The following MYO9A variants were observed in gnomAD, a reference collection of about 807,000 sequenced individuals.
The protein encoded by MYO9A is unconventional myosin-IXa.
Under a neutral mutation model 293.3 loss-of-function variants are expected in MYO9A, and 103 were observed. The ratio of observed to expected loss-of-function variants is 0.35; its 90% CI spans 0.30 to 0.41. MYO9A has a LOEUF of 0.41. MYO9A is among the 10% of genes least tolerant of loss of function. MYO9A has a pLI of 1.00. For synonymous variants in MYO9A, 1,001 were observed against 1,035.7 expected (o/e 0.97, Z 0.64); for missense variants, 2,685 against 3,033.0 (o/e 0.89, Z 2.69).
intron 32 of MYO9A, among the ~76,000 whole-genome samples, chr15:71,872,399 A>C (rs2056542592): frequency 6.6e-6 from 1 of 151,976 alleles, no homozygotes; most frequent in Non-Finnish European, 1.5e-5. Context: ...CCTCTACTAA[A>C]CTCTAATATT....
chr15:72,002,053 A>C (rs2076881333), intron 8 of MYO9A, among the ~76,000 whole-genome samples: 1 of 152,136 alleles, frequency 6.6e-6, no homozygotes, highest in African/African-American at 2.4e-5. Flanking sequence ...TCAGGAGTTA[A>C]AGACCAGGTT....
intron 27 of MYO9A, 41 bp from the exon 28 acceptor site, chr15:71,883,777 T>C (rs2056944191): frequency 1.2e-5 from 19 of 1,545,262 alleles, no homozygotes; most frequent in Admixed American, 1.9e-5. Context: ...ATTAAGAGTA[T>C]CTCAGTGATA....
chr15:71,971,085 C>T (rs1055098493), intron 12 of MYO9A, among the ~76,000 whole-genome samples: 1 of 151,490 alleles, frequency 6.6e-6, no homozygotes, highest in Non-Finnish European at 1.5e-5. Context: ...GGCATTAACC[C>T]GGGAAGCAGA....
chr15:71,865,866 T>C (rs2056305930), intron 32 of MYO9A, among the ~76,000 whole-genome samples: 1 of 152,224 alleles, frequency 6.6e-6, no homozygotes, highest in Non-Finnish European at 1.5e-5. Context: ...TGCAATCTAA[T>C]TGTACAAGTA....
At chr15:71,827,704 T>C (rs1410154593) in intron 41 of MYO9A, among the ~76,000 whole-genome samples, 180 bp downstream of exon 41, 3 of 152,104 alleles carry the variant, frequency 2.0e-5, no homozygotes, top group African/African-American at 2.4e-5. Context: ...TCCAGGTCAC[T>C]ACCTGTATGC....
intron 6 of MYO9A, among the ~76,000 whole-genome samples, chr15:72,011,439 T>C (rs941239562): frequency 1.3e-5 from 2 of 152,114 alleles, no homozygotes; most frequent in South Asian, 2.1e-4. Context: ...TGTGAAAGTA[T>C]AAAAACCCTC....
At position 71,981,459 on chromosome 15, in the gene MYO9A, G is replaced by A. The variant is rs111831967; in HGVS notation, c.1723-3167C>T. ...AATTACATATTCAATGTCATTAATAGTTATAGAAACAGATTTTCTATTTCT... is the reference window on the plus strand; with the variant it reads ...AATTACATATTCAATGTCATTAATAATTATAGAAACAGATTTTCTATTTCT... On this transcript the variant is annotated intron_variant, in intron 11 of 41. Transcript: ENST00000356056. 1.5e-3 allele frequency among the ~76,000 whole-genome samples: 222 copies of A among 152,312 alleles called. 1 individual carries two copies. The highest frequency in any genetic ancestry group is 4.5e-3 in the African/African-American group (189 of 41,564).
At position 71,976,556 on chromosome 15, in the gene MYO9A, C is replaced by T. The variant is rs781498662; in HGVS notation, c.1844+1615G>A. On this transcript the variant is annotated intron_variant, in intron 12 of 41. Transcript: ENST00000356056. ...CTAATCATTCCATTATCAACCACAA[C>T]GGTTCTCAACACGGAATATCAAAAT... 6.6e-5 allele frequency among the ~76,000 whole-genome samples: 10 copies of T among 152,174 alleles called. 1 individual carries two copies. Among genetic ancestry groups the T allele is most frequent in the Admixed American group, 4.6e-4 (7 of 15,276 alleles).
chr15:71,852,287 C>CA, intron 35 of MYO9A, 27 bp from the exon 36 acceptor site: 1 of 1,574,746 alleles, frequency 6.4e-7, no homozygotes, highest in African/African-American at 1.4e-5. Context: ...GTTAGATTAA[C>CA]AGAGCCAAAA....
intron 19 of MYO9A, among the ~76,000 whole-genome samples, chr15:71,908,029 T>G (rs1054676224): frequency 2.0e-5 from 3 of 152,218 alleles, no homozygotes; most frequent in Admixed American, 2.0e-4. Context: ...CATGCCTATG[T>G]CCTGAATGGT....
At chr15:71,984,044 CT>C in intron 11 of MYO9A, among the ~76,000 whole-genome samples, 1 of 152,214 alleles carries the variant, frequency 6.6e-6, no homozygotes, top group East Asian at 1.9e-4. Context: ...ATGTCCCTGA[CT>C]TACGATGATT....
chr15:72,117,982 C>T lies in MYO9A; in HGVS notation c.-374G>A, dbSNP rs527478166. 6.5e-5 allele frequency: 26 copies of T among 399,724 alleles called. No individual in the cohort carries two copies. The highest frequency in any genetic ancestry group is 1.8e-4 in the Admixed American group (4 of 22,716). 24.8% of individuals were successfully genotyped at this position (399,724 alleles called of 1,614,324 possible). On this transcript the variant is annotated 5_prime_UTR_variant, in exon 1 of 42. Coordinates refer to ENST00000356056, the MANE Select transcript of MYO9A (RefSeq NM_006901.4). ...CCAGCGGCCGCCTCTGCCGGTGCAA[C>T]TACTGCCTCCGCCGCCGCCTCTCGC...
Position 71,854,603 on chromosome 15 carries a change from A to G in MYO9A, c.6154-34T>C, listed in dbSNP as rs766322588. ...AAGATAATTTTTAGTTTCCAAATGC[A>G]TTCAAACATCTTGAAACATGTTTAA... On this transcript the variant is annotated intron_variant, in intron 34 of 41. Transcript: ENST00000356056. The G allele has an allele frequency of 2.7e-6, 4 of 1,477,342 alleles. No individual in the cohort carries two copies. The African/African-American group carries it at 5.7e-5, about 21-fold the overall frequency. 91.5% of individuals were successfully genotyped at this position (1,477,342 alleles called of 1,614,324 possible).
chr15:72,091,429 A>G (rs549636587), intron 1 of MYO9A, among the ~76,000 whole-genome samples: 3 of 152,012 alleles, frequency 2.0e-5, no homozygotes, highest in Non-Finnish European at 4.4e-5. Context: ...ACATTTCCAC[A>G]TGGCTAAAAC....
chr15:71,894,926 G>A (rs2057280951), intron 25 of MYO9A, among the ~76,000 whole-genome samples: 1 of 152,150 alleles, frequency 6.6e-6, no homozygotes. Context: ...TACTTCCAAG[G>A]ATAGTGCTAG....
intron 2 of MYO9A, among the ~76,000 whole-genome samples, chr15:72,042,610 G>A (rs2078259601): frequency 6.6e-6 from 1 of 151,408 alleles, no homozygotes; most frequent in African/African-American, 2.4e-5. Flanking sequence ...AGACAAGGAT[G>A]TTGCTTTCAA....
chr15:71,954,054 C>T (rs944952597), intron 14 of MYO9A, among the ~76,000 whole-genome samples: 5 of 151,932 alleles, frequency 3.3e-5, no homozygotes, highest in South Asian at 4.2e-4. Context: ...CACCACCATG[C>T]CCAGCTAATT....
chr15:71,977,719 A>G (rs1379904366), intron 12 of MYO9A, among the ~76,000 whole-genome samples: 1 of 152,154 alleles, frequency 6.6e-6, no homozygotes, highest in African/African-American at 2.4e-5. Flanking sequence ...AGCCCATCCT[A>G]ATTACCTAGA....
At chr15:72,078,486 G>A (rs1338899550) in intron 1 of MYO9A, among the ~76,000 whole-genome samples, 1 of 151,954 alleles carries the variant, frequency 6.6e-6, no homozygotes, top group African/African-American at 2.4e-5. Context: ...TGTCTCAAAA[G>A]GCAAAACAAA....
Sources: allele counts gnomAD v4.1 joint callset (sites outside exome capture counted in the v4.1 genomes callset), GRCh38; gene constraint gnomAD v4.1.1; transcripts MANE v1.5; gene names NCBI Gene and HGNC (gene_info 2026-07-23, HGNC 2026-07-21).